Variants in ALDH1L1 observed in about 807,000 individuals in gnomAD.
The protein encoded by ALDH1L1 is cytosolic 10-formyltetrahydrofolate dehydrogenase.
A neutral mutation model predicts 101.1 loss-of-function variants in ALDH1L1; 68 were observed. That is an observed-to-expected ratio of 0.67 (90% CI 0.55 to 0.82). ALDH1L1 has a LOEUF of 0.82. Among genes scored for constraint, ALDH1L1 ranks in the 40% least tolerant of loss-of-function variants. ALDH1L1 has a pLI of 0.00. For synonymous variants in ALDH1L1, 486 were observed against 470.8 expected (o/e 1.03, Z -0.42); for missense variants, 1,087 against 1,172.7 (o/e 0.93, Z 1.07).
At chr3:126,123,379 T>C (rs2080117370) in intron 16 of ALDH1L1, among the ~76,000 whole-genome samples, 1 of 151,664 alleles carries the variant, frequency 6.6e-6, no homozygotes, top group Non-Finnish European at 1.5e-5. Context: ...TGCCTCAGCC[T>C]CCAGAGTAGC....
At chr3:126,157,828 T>C (rs1003847533) in intron 3 of ALDH1L1, among the ~76,000 whole-genome samples, 1 of 152,248 alleles carries the variant, frequency 6.6e-6, no homozygotes, top group South Asian at 2.1e-4. Flanking sequence ...AGAGCCTGAA[T>C]CTCAACAGAC....
At chr3:126,103,938 G>C in intron 22 of ALDH1L1, 92 bp from the exon 23 acceptor site, 1 of 1,427,726 alleles carries the variant, frequency 7.0e-7, no homozygotes, top group Non-Finnish European at 9.6e-7. Context: ...AACCACGTGG[G>C]GGCAGCTCTG....
chr3:126,139,511 A>C (rs943583186), intron 9 of ALDH1L1, among the ~76,000 whole-genome samples: 2 of 152,232 alleles, frequency 1.3e-5, no homozygotes, highest in Non-Finnish European at 2.9e-5. Flanking sequence ...ACATATGAAG[A>C]AATAGGAAAG....
intron 1 of ALDH1L1, among the ~76,000 whole-genome samples, chr3:126,167,195 G>A (rs925163623): frequency 6.6e-6 from 1 of 151,950 alleles, no homozygotes; most frequent in African/African-American, 2.4e-5. Flanking sequence ...TATAAATTCA[G>A]CATTTAAGCA....
intron 4 of ALDH1L1, chr3:126,156,172 C>T (rs2080899752): frequency 6.6e-6 from 1 of 152,268 alleles, no homozygotes; most frequent in Admixed American, 6.5e-5. Flanking sequence ...GACTGAGGAA[C>T]TGAATTTTTC....
chr3:126,136,637 TC>T, intron 11 of ALDH1L1, 126 bp downstream of exon 11: 1 of 1,415,800 alleles, frequency 7.1e-7, no homozygotes, highest in Non-Finnish European at 9.4e-7. Flanking sequence ...TTCTTTCCCG[TC>T]CCTCTCAAAG....
intron 8 of ALDH1L1, among the ~76,000 whole-genome samples, chr3:126,147,289 C>G (rs1016817292): frequency 1.3e-5 from 2 of 152,182 alleles, no homozygotes; most frequent in African/African-American, 4.8e-5. Flanking sequence ...CTCCTGACCC[C>G]CACTCACCTT....
intron 1 of ALDH1L1, among the ~76,000 whole-genome samples, chr3:126,188,377 C>T (rs376116452): frequency 2.0e-5 from 3 of 152,168 alleles, no homozygotes; most frequent in African/African-American, 2.4e-5. Context: ...TCAGTATGCA[C>T]GGGTTTTGGT....
Position 126,158,536 on chromosome 3 carries a change from C to T in ALDH1L1, c.231G>A (p.Gly77=), listed in dbSNP as rs761871687. The stretch of plus-strand genomic sequence containing the variant: ...AGAAGGGCAGGACGTTGAGCTCGGC[C>T]CCCAAAGCCTGGTATTTTGCCACCA... The part of the protein sequence containing the change: ...PDVVAKYQAL[G]AELNVLPFCS... Residue 77 remains glycine, a synonymous_variant, in exon 3 of 23, where the codon GGG becomes GGA. Transcript: ENST00000393434. The T allele has an allele frequency of 4.3e-6, 7 of 1,614,214 alleles. No individual in the cohort carries two copies. Among genetic ancestry groups the T allele is most frequent in the East Asian group, 2.2e-5 (1 of 44,876 alleles).
intron 8 of ALDH1L1, among the ~76,000 whole-genome samples, chr3:126,147,667 A>G (rs2080723337): frequency 6.6e-6 from 1 of 151,922 alleles, no homozygotes; most frequent in African/African-American, 2.4e-5. Flanking sequence ...CCAGGTCCCC[A>G]CTCTCTGGAT....
At chr3:126,105,458 A>G in intron 22 of ALDH1L1, 2 of 485,240 alleles carry the variant, frequency 4.1e-6, no homozygotes, top group Non-Finnish European at 7.6e-6. Context: ...CACAGGTGCC[A>G]CCACACCAGA....
chr3:126,105,663 G>A (rs1254774914), intron 22 of ALDH1L1, 63 bp downstream of exon 22: 1 of 1,588,924 alleles, frequency 6.3e-7, no homozygotes, highest in East Asian at 2.2e-5. Context: ...GCCCTAAGTG[G>A]TTTTGAACAG....
Position 126,124,280 on chromosome 3 carries a change from G to A in ALDH1L1, c.1888+84C>T, listed in dbSNP as rs572015963. ...TCTCCCCAGGCTACTCTGCCCTCAC[G>A]CCACTATCCAGTAGGGCCTGCTCTG... On this transcript the variant is annotated intron_variant, in intron 16 of 22. Coordinates refer to ENST00000393434, the MANE Select transcript of ALDH1L1 (RefSeq NM_012190.4). 25 of 1,256,538 alleles carry A rather than the reference G, an allele frequency of 2.0e-5. 1 individual carries two copies. The highest frequency in any genetic ancestry group is 2.6e-5 in the East Asian group (1 of 37,952). 77.8% of individuals were successfully genotyped at this position (1,256,538 alleles called of 1,614,324 possible).
chr3:126,183,992 G>A (rs1380318646), upstream of ALDH1L1, among the ~76,000 whole-genome samples: 1 of 152,196 alleles, frequency 6.6e-6, no homozygotes, highest in African/African-American at 2.4e-5. Context: ...ACTCTCTGAT[G>A]CTCTTCCATT....
chr3:126,178,116 T>C (rs2081397378), intron 1 of ALDH1L1, among the ~76,000 whole-genome samples: 1 of 152,012 alleles, frequency 6.6e-6, no homozygotes, highest in Admixed American at 6.5e-5. Context: ...GCCTAGTGGT[T>C]CATGCCTGTA....
intron 16 of ALDH1L1, among the ~76,000 whole-genome samples, chr3:126,119,754 A>G (rs1462156444): frequency 6.6e-6 from 1 of 152,254 alleles, no homozygotes; most frequent in Non-Finnish European, 1.5e-5. Flanking sequence ...GGTGTCCAAA[A>G]TATACAAAGA....
At chr3:126,162,112 A>C (rs1397589741) in intron 1 of ALDH1L1, among the ~76,000 whole-genome samples, 6 of 152,132 alleles carry the variant, frequency 3.9e-5, no homozygotes, top group Admixed American at 2.0e-4. Flanking sequence ...TATTCATTCT[A>C]TTGTTAATGG....
At position 126,137,842 on chromosome 3, in the gene ALDH1L1, C is replaced by A. The variant is rs370745999; in HGVS notation, c.1195G>T (p.Asp399Tyr). 2 of 1,614,046 alleles carry A rather than the reference C, an allele frequency of 1.2e-6. No homozygotes were observed. The highest frequency in any genetic ancestry group is 1.3e-5 in the African/African-American group (1 of 74,934). The change falls in exon 10 of 23, where the codon GAT (aspartate) becomes TAT (tyrosine). Residue 399 changes from aspartate to tyrosine, a missense_variant. This residue lies in a region of ALDH1L1 where 645 missense variants were observed against 637.0 expected (regional missense o/e 1.01). Coordinates refer to ENST00000393434, the MANE Select transcript of ALDH1L1 (RefSeq NM_012190.4). ...QLLVRKLRGDDEEGECSIDYV... is the reference protein window; with the variant it reads ...QLLVRKLRGDYEEGECSIDYV... The stretch of plus-strand genomic sequence containing the variant: ...TCAATGCTGCACTCGCCCTCCTCAT[C>A]GTCCCCTCGCAGCTTCCTCACTAAC...
chr3:126,158,938 C>CCG (rs2080978541), intron 2 of ALDH1L1, among the ~76,000 whole-genome samples: 1 of 152,182 alleles, frequency 6.6e-6, no homozygotes, highest in Non-Finnish European at 1.5e-5. Flanking sequence ...TTGCCATCCC[C>CCG]GTCACTGAGT....
Sources: allele counts gnomAD v4.1 joint callset (sites outside exome capture counted in the v4.1 genomes callset), GRCh38; gene constraint gnomAD v4.1.1; regional missense constraint gnomAD v4.1.1; transcripts MANE v1.5; gene names NCBI Gene and HGNC (gene_info 2026-07-23, HGNC 2026-07-21).